Variants in PCDHA10 observed in about 807,000 individuals in gnomAD.
PCDHA10 encodes the protein protocadherin alpha 10, also known as protocadherin alpha-10.
A neutral mutation model predicts 61.2 loss-of-function variants in PCDHA10; 45 were observed. The ratio of observed to expected loss-of-function variants is 0.74; its 90% confidence interval spans 0.58 to 0.94. PCDHA10 has a LOEUF of 0.94. PCDHA10 is among the 40% of genes least tolerant of loss of function. PCDHA10 has a pLI of 0.00. For synonymous variants in PCDHA10, 602 were observed against 548.8 expected (o/e 1.10, Z -1.35); for missense variants, 1,278 against 1,236.2 (o/e 1.03, Z -0.51).
At chr5:140,934,319 A>G (rs1292813425) in intron 1 of PCDHA10, among the ~76,000 whole-genome samples, 1 of 152,146 alleles carries the variant, frequency 6.6e-6, no homozygotes, top group Non-Finnish European at 1.5e-5. Context: ...CAAATGTCCA[A>G]TCATGAATGT....
intron 1 of PCDHA10, among the ~76,000 whole-genome samples, chr5:140,895,783 A>G (rs750912902): frequency 2.1e-4 from 32 of 152,122 alleles, no homozygotes; most frequent in Non-Finnish European, 3.8e-4. Context: ...ATAGTATTCA[A>G]TGACGTATAT....
chr5:140,924,253 A>G (rs550218351), intron 1 of PCDHA10, among the ~76,000 whole-genome samples: 1 of 152,212 alleles, frequency 6.6e-6, no homozygotes, highest in African/African-American at 2.4e-5. Context: ...TCCTGGTGAG[A>G]TCTAATGAGG....
intron 1 of PCDHA10, among the ~76,000 whole-genome samples, chr5:140,907,888 C>G (rs1441879791): frequency 6.6e-6 from 1 of 152,234 alleles, no homozygotes; most frequent in Non-Finnish European, 1.5e-5. Flanking sequence ...ACATGGGATA[C>G]AAATATCTTC....
At chr5:140,921,681 C>T (rs1554200353) in intron 1 of PCDHA10, among the ~76,000 whole-genome samples, 1 of 152,136 alleles carries the variant, frequency 6.6e-6, no homozygotes, top group East Asian at 1.9e-4. Context: ...TATCATCAAA[C>T]ACTGGCCACC....
chr5:140,968,588 A>G (rs1554230894), intron 1 of PCDHA10: 1 of 1,614,180 alleles, frequency 6.2e-7, no homozygotes, highest in South Asian at 1.1e-5. Flanking sequence ...CACCAAAGTC[A>G]TAGCTATGGA....
At chr5:140,978,473 T>C (rs1401475037) in intron 1 of PCDHA10, among the ~76,000 whole-genome samples, 1 of 152,238 alleles carries the variant, frequency 6.6e-6, no homozygotes, top group Non-Finnish European at 1.5e-5. Flanking sequence ...TCAAATATGC[T>C]GCAGTCTGCA....
At chr5:141,007,395 C>CAAAAAAAAAAAAA (rs35800918) in intron 3 of PCDHA10, among the ~76,000 whole-genome samples, 1 of 94,866 alleles carries the variant, frequency 1.1e-5, no homozygotes. Flanking sequence ...TACTAAAATA[C>CAAAAAAAAAAAAA]AAAAAAAAAA....
At position 140,914,538 on chromosome 5, in the gene PCDHA10, T is replaced by C. The variant is rs1393710886; in HGVS notation, c.2388+56102T>C. ...TTTTTTCATCCATTCAGCCACTTTA[T>C]TTCTTTTTATTGGAGAGTTTAGTCC... is the stretch of plus-strand genomic sequence containing the variant. On this transcript the variant is annotated intron_variant, in intron 1 of 3. Transcript: ENST00000307360. 2.0e-5 allele frequency among the ~76,000 whole-genome samples: 3 copies of C among 152,198 alleles called. No individual in the cohort carries two copies. The East Asian group carries it at 5.8e-4, about 29-fold the overall frequency.
In PCDHA10 at chr5:140,857,025, A is replaced by G; in HGVS notation, c.977A>G (p.Asn326Ser). 1 of 1,596,330 alleles carries G rather than the reference A, an allele frequency of 6.3e-7. No individual in the cohort carries two copies. Among genetic ancestry groups the G allele is most frequent in the Non-Finnish European group, 8.6e-7 (1 of 1,166,160 alleles). Reference sequence around the variant, plus strand: ...CATGTAGATGTTACAGATAAGGGAAACCCACCTATGGTTGGTCACTGCACG... The same window carrying G: ...CATGTAGATGTTACAGATAAGGGAAGCCCACCTATGGTTGGTCACTGCACG... ...EIHVDVTDKGNPPMVGHCTVL... is the reference protein window; with the variant it reads ...EIHVDVTDKGSPPMVGHCTVL... Residue 326 changes from asparagine to serine, a missense_variant, in exon 1 of 4, where the codon AAC becomes AGC. Asn to Ser is a conservative substitution (Grantham distance 46). Transcript: ENST00000307360.
At chr5:140,991,753 T>C (rs1262588559) in intron 3 of PCDHA10, among the ~76,000 whole-genome samples, 3 of 152,208 alleles carry the variant, frequency 2.0e-5, no homozygotes, top group Non-Finnish European at 2.9e-5. Flanking sequence ...CTTTCTATCA[T>C]GCTCTTCAAA....
In PCDHA10 at chr5:140,875,872, A is replaced by C. The variant is rs1554168004; in HGVS notation, c.2388+17436A>C. Reference sequence around the variant, plus strand: ...CATTAACGACAACCCGCCGGTGTTCAGAGAAAGGGAACAAAAGGTACCTGT... The same window carrying C: ...CATTAACGACAACCCGCCGGTGTTCCGAGAAAGGGAACAAAAGGTACCTGT... On this transcript the variant is annotated intron_variant, in intron 1 of 3. Coordinates refer to ENST00000307360, the MANE Select transcript of PCDHA10 (RefSeq NM_018901.4). 1.9e-6 allele frequency: 3 copies of C among 1,614,224 alleles called. No individual in the cohort carries two copies. In the East Asian group the frequency reaches 6.7e-5, roughly 36 times the overall value.
rs1486042569 is a variant in PCDHA10 at position 140,880,105 on chromosome 5, A to G, written c.2388+21669A>G. On this transcript the variant is annotated intron_variant, in intron 1 of 3. Coordinates refer to ENST00000307360, the MANE Select transcript of PCDHA10 (RefSeq NM_018901.4). ...ATTATAGTAGGCTTAAAATCATAGAAGGATAGACAACAGGAAGCTGAAATA... is the reference window on the plus strand; with the variant it reads ...ATTATAGTAGGCTTAAAATCATAGAGGGATAGACAACAGGAAGCTGAAATA... 1.8e-4 allele frequency among the ~76,000 whole-genome samples: 28 copies of G among 152,256 alleles called. 1 individual carries two copies. Among genetic ancestry groups the G allele is most frequent in the Admixed American group, 1.8e-3 (28 of 15,292 alleles).
At chr5:140,901,580 C>T (rs2068755035) in intron 1 of PCDHA10, among the ~76,000 whole-genome samples, 3 of 152,008 alleles carry the variant, frequency 2.0e-5, no homozygotes, top group Admixed American at 6.6e-5. Context: ...TATGCCAGTG[C>T]CATGATGTTT....
At chr5:140,948,942 T>TA (rs34363674) in intron 1 of PCDHA10, among the ~76,000 whole-genome samples, 48,005 of 151,444 alleles carry the variant, frequency 0.32, 7,947 homozygotes, top group East Asian at 0.53. Flanking sequence ...TCTTCTAATA[T>TA]AAAAAAATTA....
At position 140,883,742 on chromosome 5, in the gene PCDHA10, T is replaced by C. The variant is rs782074620; in HGVS notation, c.2388+25306T>C. 8 of 1,613,220 alleles carry C rather than the reference T, an allele frequency of 5.0e-6. No homozygotes were observed. In the African/African-American group the frequency reaches 8.0e-5, roughly 16 times the overall value. ...CGCACAGGAGAACGCGCTGGTCTCC[T>C]ACTCGCTGGTGGAGCGGCGGGTGGG... On this transcript the variant is annotated intron_variant, in intron 1 of 3. Transcript: ENST00000307360.
intron 1 of PCDHA10, chr5:140,871,125 G>T (rs1387416665): frequency 6.2e-7 from 1 of 1,613,330 alleles, no homozygotes; most frequent in Non-Finnish European, 8.5e-7. Context: ...GCGGACAGGC[G>T]CCAAAGGCCT....
Position 140,860,053 on chromosome 5 carries a change from C to T in PCDHA10, c.2388+1617C>T, listed in dbSNP as rs186329592. The T allele has an allele frequency of 6.0e-5, 9 of 150,766 alleles. No individual in the cohort carries two copies. In the East Asian group the frequency reaches 1.6e-3, roughly 26 times the overall value. 9.3% of individuals were successfully genotyped at this position (150,766 alleles called of 1,614,324 possible). A position where few individuals can be genotyped will look rare whatever the true frequency, so the allele number is the denominator to read the frequency against. ...CCTGTAATCCCAGCATTTTGAGAGGCCAAGGTGGGAGGATGGTTTGAGGCC... is the reference window on the plus strand; with the variant it reads ...CCTGTAATCCCAGCATTTTGAGAGGTCAAGGTGGGAGGATGGTTTGAGGCC... On this transcript the variant is annotated intron_variant, in intron 1 of 3. Transcript: ENST00000307360.
intron 1 of PCDHA10, chr5:140,867,045 T>C (rs1232896642): frequency 6.6e-6 from 1 of 152,200 alleles, no homozygotes; most frequent in Non-Finnish European, 1.5e-5. Flanking sequence ...ACTTGGCGTT[T>C]GTTCAGTACT....
intron 1 of PCDHA10, among the ~76,000 whole-genome samples, chr5:140,920,592 T>C (rs1226483981): frequency 6.6e-6 from 1 of 152,158 alleles, no homozygotes; most frequent in Non-Finnish European, 1.5e-5. Flanking sequence ...ACGCCTGTAA[T>C]CCCAGCACTT....
Sources: allele counts gnomAD v4.1 joint callset (sites outside exome capture counted in the v4.1 genomes callset), GRCh38; gene constraint gnomAD v4.1.1; transcripts MANE v1.5; gene names NCBI Gene and HGNC (gene_info 2026-07-23, HGNC 2026-07-21).